The following HHAT variants were observed in gnomAD, a reference collection of about 807,000 sequenced individuals.
HHAT encodes the protein hedgehog acyltransferase.
A neutral mutation model predicts 70.8 loss-of-function variants in HHAT; 47 were observed. That is an observed-to-expected ratio of 0.66 (90% CI 0.53 to 0.85). The LOEUF (loss-of-function observed/expected upper bound fraction) is 0.85, where lower values mean the gene tolerates loss of function less well. Among genes scored for constraint, HHAT ranks in the 40% least tolerant of loss-of-function variants. The pLI is 0.00. For missense variants in HHAT, 609 were observed against 604.8 expected (o/e 1.01, Z -0.07); for synonymous variants, 228 against 247.6 (o/e 0.92, Z 0.74).
In HHAT at chr1:210,515,612, G is replaced by T. The variant is rs182452401; in HGVS notation, c.1043+2424G>T. 3.1e-3 allele frequency among the ~76,000 whole-genome samples: 468 copies of T among 152,018 alleles called. 1 individual carries two copies. The highest frequency in any genetic ancestry group is 0.011 in the African/African-American group (451 of 41,458). On this transcript the variant is annotated intron_variant, in intron 9 of 11. Transcript: ENST00000261458. The stretch of plus-strand genomic sequence containing the variant: ...CTCTACTAAAAATACAAAAAAATTA[G>T]CCGGGCATGGTGGCGGGCTCCTGTA...
chr1:210,492,938 A>T (rs2094574040), intron 8 of HHAT, among the ~76,000 whole-genome samples: 1 of 152,096 alleles, frequency 6.6e-6, no homozygotes, highest in African/African-American at 2.4e-5. Flanking sequence ...CTCATTTCTT[A>T]GAGGGCTACT....
chr1:210,519,254 G>A (rs2095111461), intron 9 of HHAT, among the ~76,000 whole-genome samples: 1 of 152,168 alleles, frequency 6.6e-6, no homozygotes. Flanking sequence ...TGCATCTGTT[G>A]TTGGACACTT....
chr1:210,364,125 C>T (rs537075528), intron 3 of HHAT, among the ~76,000 whole-genome samples: 1 of 152,182 alleles, frequency 6.6e-6, no homozygotes, highest in African/African-American at 2.4e-5. Flanking sequence ...CATGGGGTGC[C>T]ATTCTTGGCT....
At chr1:210,428,816 A>G (rs921108022) in intron 7 of HHAT, among the ~76,000 whole-genome samples, 7 of 151,624 alleles carry the variant, frequency 4.6e-5, no homozygotes, top group African/African-American at 1.7e-4. Context: ...ATCTCTACAG[A>G]AAATACAAAA....
chr1:210,372,115 A>G (rs1259287000), intron 3 of HHAT, among the ~76,000 whole-genome samples: 2 of 152,220 alleles, frequency 1.3e-5, no homozygotes, highest in African/African-American at 2.4e-5. Context: ...TGTGTGAAGT[A>G]TTTAACAAGG....
chr1:210,433,006 T>G (rs2093288901), intron 7 of HHAT, among the ~76,000 whole-genome samples: 1 of 151,758 alleles, frequency 6.6e-6, no homozygotes, highest in Non-Finnish European at 1.5e-5. Flanking sequence ...TAAGGCCCTT[T>G]TTTCCATCCA....
chr1:210,452,498 T>A (rs183008585), intron 7 of HHAT, among the ~76,000 whole-genome samples: 164 of 152,358 alleles, frequency 1.1e-3, no homozygotes, highest in African/African-American at 3.7e-3. Flanking sequence ...TCATCTGTAC[T>A]CTCTCCCGTA....
At chr1:210,664,021 T>C (rs1678361885) in intron 11 of HHAT, among the ~76,000 whole-genome samples, 1 of 152,220 alleles carries the variant, frequency 6.6e-6, no homozygotes, top group Non-Finnish European at 1.5e-5. Flanking sequence ...GGGTAAGGAA[T>C]TATCATTAGA....
intron 9 of HHAT, among the ~76,000 whole-genome samples, chr1:210,564,198 A>G (rs144769923): frequency 0.059 from 8,901 of 151,620 alleles, 836 homozygotes; most frequent in African/African-American, 0.2. Flanking sequence ...CCTGACCTCA[A>G]GTGATCCGCC....
chr1:210,545,034 G>T (rs113293721), intron 9 of HHAT, among the ~76,000 whole-genome samples: 17 of 151,460 alleles, frequency 1.1e-4, no homozygotes, highest in African/African-American at 4.1e-4. Context: ...ACATCCACAT[G>T]TTCTCTTCCT....
intron 3 of HHAT, among the ~76,000 whole-genome samples, chr1:210,363,295 C>A (rs879700641): frequency 6.6e-6 from 1 of 152,214 alleles, no homozygotes; most frequent in Non-Finnish European, 1.5e-5. Flanking sequence ...CTCTGAGTGT[C>A]CCTGGCTGTC....
intron 10 of HHAT, among the ~76,000 whole-genome samples, chr1:210,593,892 G>C (rs1333737310): frequency 6.6e-6 from 1 of 152,082 alleles, no homozygotes; most frequent in Non-Finnish European, 1.5e-5. Context: ...TTGCTGAATT[G>C]ATCCCTTTAT....
rs375550810 is a variant in HHAT, at chr1:210,639,918, G to C, written c.1390+16248G>C. Reference sequence around the variant, plus strand: ...CCTTTAAGAGATTCTGATTCAGTGGGTCTAGGGTAGCATCCAGGAACCAGT... The same window carrying C: ...CCTTTAAGAGATTCTGATTCAGTGGCTCTAGGGTAGCATCCAGGAACCAGT... On this transcript the variant is annotated intron_variant, in intron 11 of 11. Coordinates refer to ENST00000261458, the MANE Select transcript of HHAT (RefSeq NM_018194.6). 5.3e-5 allele frequency among the ~76,000 whole-genome samples: 8 copies of C among 152,160 alleles called. No individual in the cohort carries two copies. The East Asian group carries it at 5.8e-4, about 11-fold the overall frequency.
chr1:210,393,031 A>T (rs938603764), intron 4 of HHAT, among the ~76,000 whole-genome samples: 1 of 152,116 alleles, frequency 6.6e-6, no homozygotes, highest in Non-Finnish European at 1.5e-5. Flanking sequence ...GGTGTGGTTG[A>T]GAGCACTAGG....
At chr1:210,542,949 C>T (rs1355772116) in intron 9 of HHAT, among the ~76,000 whole-genome samples, 1 of 152,114 alleles carries the variant, frequency 6.6e-6, no homozygotes, top group Non-Finnish European at 1.5e-5. Flanking sequence ...GGGCTGATCT[C>T]AGAGCTGTTT....
chr1:210,603,309 G>A (rs1251055665), intron 10 of HHAT, among the ~76,000 whole-genome samples: 17 of 152,056 alleles, frequency 1.1e-4, no homozygotes, highest in Non-Finnish European at 2.9e-5. Context: ...GGCTTTTCTC[G>A]GTGGTTTGTG....
In HHAT at chr1:210,329,065, C is replaced by A; in HGVS notation, c.-83C>A. On this transcript the variant is annotated 5_prime_UTR_variant, in exon 1 of 12. Coordinates refer to ENST00000261458, the MANE Select transcript of HHAT (RefSeq NM_018194.6). ...AGGGGTGTTGGGAACTCGCGGCGCG[C>A]GTGAACGTTGCCGTCGCCGCCGCCC... The A allele has an allele frequency of 7.0e-7, 1 of 1,430,548 alleles. No individual in the cohort carries two copies. 88.6% of individuals were successfully genotyped at this position (1,430,548 alleles called of 1,614,324 possible).
chr1:210,415,197 T>C (rs1377700903), intron 6 of HHAT, among the ~76,000 whole-genome samples: 1 of 152,198 alleles, frequency 6.6e-6, no homozygotes, highest in Non-Finnish European at 1.5e-5. Flanking sequence ...AACACCCTAG[T>C]GTTGGACATT....
chr1:210,635,944 A>G (rs953475265), intron 11 of HHAT, among the ~76,000 whole-genome samples: 10 of 152,302 alleles, frequency 6.6e-5, no homozygotes, highest in African/African-American at 2.4e-4. Context: ...CCTTTTATAG[A>G]AAGTGTTTGT....
Sources: gnomAD v4.1 joint callset for allele counts (sites outside exome capture counted in the v4.1 genomes callset) on GRCh38, gnomAD v4.1.1 for gene constraint, MANE v1.5 for transcripts, NCBI Gene and HGNC (gene_info 2026-07-23, HGNC 2026-07-21) for gene names.